KDM1B: variants seen among roughly 807,000 people sequenced by gnomAD.
KDM1B encodes the protein lysine-specific histone demethylase 2.
In KDM1B, 63 loss-of-function variants were observed where a neutral mutation model predicts 107.4. The ratio of observed to expected loss-of-function variants is 0.59; its 90% CI spans 0.48 to 0.72. The LOEUF is 0.72. KDM1B is among the 30% of genes least tolerant of loss of function. KDM1B has a pLI of 0.00. For synonymous variants in KDM1B, 363 were observed against 363.9 expected, an observed-to-expected ratio of 1.00 and a Z score of 0.03; for missense variants, 749 against 1,020.8, an observed-to-expected ratio of 0.73 and a Z score of 3.63.
At chr6:18,160,021 C>A in intron 3 of KDM1B, 39 bp downstream of exon 3, 2 of 1,337,256 alleles carry the variant, frequency 1.5e-6, no homozygotes, top group Non-Finnish European at 2.1e-6. Context: ...CTTTTTTGAG[C>A]ATGCAGAATT....
chr6:18,192,564 A>G (rs954572576), intron 10 of KDM1B, among the ~76,000 whole-genome samples: 1 of 152,010 alleles, frequency 6.6e-6, no homozygotes, highest in African/African-American at 2.4e-5. Flanking sequence ...TAGCCTTGAG[A>G]TAGGTGCTCA....
chr6:18,201,641 A>G lies in KDM1B; in HGVS notation c.1515A>G (p.Gln505=). The G allele has an allele frequency of 6.4e-7, 1 of 1,550,436 alleles. No individual in the cohort carries two copies. Among genetic ancestry groups the G allele is most frequent in the Non-Finnish European group, 8.7e-7 (1 of 1,146,884 alleles). ...GGAGAAAGGATAAGACTCAGCTCCA[A>G]GATGTCCCTTTAGGAGGTATGGGGA... ...SEWRKDKTQL[Q]DVPLGEKIEE... is the part of the protein sequence containing the mutation. The change falls in exon 14 of 22, where the codon CAA becomes CAG. Residue 505 remains glutamine (Q), a synonymous_variant. Transcript: ENST00000650836. The surrounding 1 kb of genome is among the most constrained non-coding windows in gnomAD (Gnocchi z 4.3).
Position 18,170,065 on chromosome 6 carries a change from C to T in KDM1B, c.418-1298C>T, listed in dbSNP as rs1285205975. ...CTGCGATTACAGGCATGCACCCCCACGCCCAGCTAATTTTTTTATATTTTT... is the reference window on the plus strand; with the variant it reads ...CTGCGATTACAGGCATGCACCCCCATGCCCAGCTAATTTTTTTATATTTTT... On this transcript the variant is annotated intron_variant, in intron 6 of 21. Transcript: ENST00000650836. 3.9e-5 allele frequency among the ~76,000 whole-genome samples: 6 copies of T among 152,004 alleles called. 1 individual carries two copies. In the South Asian group the frequency reaches 6.2e-4, roughly 16 times the overall value.
At chr6:18,157,333 T>C (rs1275472463) in intron 2 of KDM1B, among the ~76,000 whole-genome samples, 1 of 152,230 alleles carries the variant, frequency 6.6e-6, no homozygotes, top group African/African-American at 2.4e-5. Flanking sequence ...CGATAAGATT[T>C]AATAATGGCT....
intron 8 of KDM1B, among the ~76,000 whole-genome samples, chr6:18,187,258 G>C (rs572565411): frequency 6.6e-6 from 1 of 152,098 alleles, no homozygotes; most frequent in African/African-American, 2.4e-5. Flanking sequence ...TACATTTGGC[G>C]TCTTATTTTG....
chr6:18,196,589 A>G (rs12198963), intron 10 of KDM1B, among the ~76,000 whole-genome samples: 2,508 of 152,206 alleles, frequency 0.016, 39 homozygotes, highest in Non-Finnish European at 0.024. Context: ...AGTTTTTCAT[A>G]TATACTTGGA....
At chr6:18,218,994 C>T (rs1401702191) in intron 21 of KDM1B, among the ~76,000 whole-genome samples, 1 of 152,170 alleles carries the variant, frequency 6.6e-6, no homozygotes, top group East Asian at 1.9e-4. Context: ...GCTCTGCCTC[C>T]TGGGTTCACA....
In KDM1B at chr6:18,213,595, A is replaced by C; in HGVS notation, c.1984-61A>C. On this transcript the variant is annotated intron_variant, in intron 18 of 21. Coordinates refer to ENST00000650836, the MANE Select transcript of KDM1B (RefSeq NM_001364614.2). The surrounding 1 kb of genome is among the most constrained non-coding windows in gnomAD (Gnocchi z 5.9). Reference sequence around the variant, plus strand: ...AGTAGAGCTACAGGTTGCTGCTTAGATATTGCCTGTGGTTTTGTGACGACA... The same window carrying C: ...AGTAGAGCTACAGGTTGCTGCTTAGCTATTGCCTGTGGTTTTGTGACGACA... The C allele has an allele frequency of 6.3e-7, 1 of 1,591,794 alleles. No individual in the cohort carries two copies. Among genetic ancestry groups the C allele is most frequent in the East Asian group, 2.2e-5 (1 of 44,662 alleles).
chr6:18,190,199 A>G (rs1390164596), intron 9 of KDM1B, among the ~76,000 whole-genome samples: 1 of 152,084 alleles, frequency 6.6e-6, no homozygotes, highest in Non-Finnish European at 1.5e-5. Flanking sequence ...AGGAGTGGGC[A>G]TTCAGTGGAT....
rs1171879858 is a variant in KDM1B at position 18,172,983 on chromosome 6, G to A, written c.534+1504G>A. The stretch of plus-strand genomic sequence containing the variant: ...CATGTGCTTGTAATCTCAGCTACTC[G>A]GGAGGCTAAGGTAGGAGAATCACTT... On this transcript the variant is annotated intron_variant, in intron 7 of 21. Coordinates refer to ENST00000650836, the MANE Select transcript of KDM1B (RefSeq NM_001364614.2). The surrounding 1 kb of genome is among the most constrained non-coding windows in gnomAD (Gnocchi z 5.2). Among the ~76,000 whole-genome samples the A allele has an allele frequency of 1.3e-5, 2 of 151,686 alleles. 1 individual carries two copies.
rs70974711 is a variant in KDM1B, at chr6:18,199,008, GAAAAAAAA to G, written c.1221+1365_1221+1372del. Among the ~76,000 whole-genome samples the G allele has an allele frequency of 9.8e-4, 73 of 74,698 alleles. 1 individual carries two copies. Among genetic ancestry groups the G allele is most frequent in the East Asian group, 1.9e-3 (4 of 2,136 alleles). 49.0% of individuals were successfully genotyped at this position (74,698 alleles called of 152,430 possible). The stretch of plus-strand genomic sequence containing the variant: ...ACATGGCAAAACCCTGTCTCTACCA[GAAAAAAAA>G]AAAAAAAAAAAAAAAAAGAAAAAAA... On this transcript the variant is annotated intron_variant, in intron 12 of 21. Transcript: ENST00000650836.
At position 18,212,440 on chromosome 6, in the gene KDM1B, T is replaced by G; in HGVS notation, c.1867-48T>G. ...TGTTGATACCAGTGTAGTGGTAGTG[T>G]GAGGTTCTGTTGCTGTTTGTTTGTT... On this transcript the variant is annotated intron_variant, in intron 17 of 21. Coordinates refer to ENST00000650836, the MANE Select transcript of KDM1B (RefSeq NM_001364614.2). This position sits in a 1 kb window ranked among gnomAD's most constrained non-coding sequence, Gnocchi z 5.2. The G allele has an allele frequency of 9.2e-7, 1 of 1,083,524 alleles. No individual in the cohort carries two copies. The highest frequency in any genetic ancestry group is 1.4e-6 in the Non-Finnish European group (1 of 695,892). 67.1% of individuals were successfully genotyped at this position (1,083,524 alleles called of 1,614,324 possible). A position where few individuals can be genotyped will look rare whatever the true frequency, so the allele number is the denominator to read the frequency against.
chr6:18,160,131 T>C (rs1457145228), intron 3 of KDM1B, 149 bp downstream of exon 3: 1 of 588,366 alleles, frequency 1.7e-6, no homozygotes, highest in Admixed American at 3.3e-5. Context: ...TAACACAGTG[T>C]GATAACATGA....
At position 18,200,512 on chromosome 6, in the gene KDM1B, T is replaced by A; in HGVS notation, c.1295T>A (p.Val432Glu). The A allele has an allele frequency of 6.2e-7, 1 of 1,614,044 alleles. No homozygotes were observed. The highest frequency in any genetic ancestry group is 8.5e-7 in the Non-Finnish European group (1 of 1,179,968). Residue 432 changes from valine to glutamate, a missense_variant, in exon 13 of 22, where the codon GTG becomes GAG. Val to Glu is a moderately radical substitution (Grantham distance 121). Transcript: ENST00000650836. This position sits in a 1 kb window ranked among gnomAD's most constrained non-coding sequence, Gnocchi z 4.3. ...GATAAATCTTTTAAAGGCGTCACAG[T>A]GGGAAGAGGAGCTCAGATTGTCAAT... Reference protein sequence around the residue: ...WDDKSFKGVTVGRGAQIVNGC... With the variant: ...WDDKSFKGVTEGRGAQIVNGC...
intron 21 of KDM1B, among the ~76,000 whole-genome samples, chr6:18,220,724 T>C (rs919986147): frequency 7.9e-5 from 12 of 151,918 alleles, no homozygotes; most frequent in African/African-American, 2.9e-4. Context: ...ATGGCTTAGA[T>C]GGCTTCTTGC....
chr6:18,163,802 C>T (rs1236939010), intron 5 of KDM1B, among the ~76,000 whole-genome samples: 1 of 152,088 alleles, frequency 6.6e-6, no homozygotes, highest in South Asian at 2.1e-4. Context: ...ATGATTTCTA[C>T]GTTTTAAATT....
At chr6:18,164,657 G>A (rs1325226146) in intron 5 of KDM1B, among the ~76,000 whole-genome samples, 1 of 151,780 alleles carries the variant, frequency 6.6e-6, no homozygotes, top group Non-Finnish European at 1.5e-5. Flanking sequence ...TTTAGAGTAG[G>A]TTTCTTTTCT....
At chr6:18,177,404 A>G (rs962170411) in intron 7 of KDM1B, among the ~76,000 whole-genome samples, 1 of 150,760 alleles carries the variant, frequency 6.6e-6, no homozygotes, top group African/African-American at 2.4e-5. Flanking sequence ...TTTTCAAAGA[A>G]CCAGCTTTTT....
intron 3 of KDM1B, 114 bp downstream of exon 3, chr6:18,160,096 A>C: frequency 1.5e-6 from 1 of 659,808 alleles, no homozygotes; most frequent in Non-Finnish European, 2.6e-6. Context: ...CTTGTATTCT[A>C]GGGGAGAAAT....
Sources: allele counts gnomAD v4.1 joint callset (sites outside exome capture counted in the v4.1 genomes callset), GRCh38; gene constraint gnomAD v4.1.1; non-coding constraint Gnocchi (gnomAD v3.1); transcripts MANE v1.5; gene names NCBI Gene and HGNC (gene_info 2026-07-23, HGNC 2026-07-21).